The following BFSP1 variants were observed in gnomAD, a reference collection of about 807,000 sequenced individuals.
BFSP1 encodes the protein filensin.
Under a neutral mutation model 43.9 loss-of-function variants are expected in BFSP1, and 38 were observed. That is an observed-to-expected ratio of 0.87 (90% CI 0.67 to 1.14). The LOEUF is 1.14. Ranked by LOEUF, BFSP1 falls within the 50% of genes most tolerant of loss-of-function variation. The probability of loss-of-function intolerance (pLI) is 0.00; values close to 1 mark genes in which losing one functional copy is unlikely to be tolerated. For synonymous variants in BFSP1, 352 were observed against 354.8 expected (o/e 0.99, Z 0.09); for missense variants, 850 against 875.1 (o/e 0.97, Z 0.36).
intron 2 of BFSP1, chr20:17,517,196 A>C: frequency 1.2e-6 from 1 of 845,200 alleles, no homozygotes; most frequent in Non-Finnish European, 2.0e-6. Flanking sequence ...ACCTTCATCG[A>C]GAGTGCCCTT....
chr20:17,524,645 C>T (rs753074993), intron 2 of BFSP1, among the ~76,000 whole-genome samples: 4 of 152,116 alleles, frequency 2.6e-5, no homozygotes, highest in Non-Finnish European at 5.9e-5. Context: ...GTGTTTCTCT[C>T]GTGAGAGAGG....
intron 1 of BFSP1, among the ~76,000 whole-genome samples, chr20:17,565,030 C>T (rs368406039): frequency 1.1e-4 from 17 of 151,512 alleles, no homozygotes; most frequent in African/African-American, 4.1e-4. Flanking sequence ...CTCCTGTATA[C>T]CCATGTAACT....
chr20:17,512,032 G>C lies in BFSP1; in HGVS notation c.571C>G (p.Gln191Glu), dbSNP rs756307868. 1 of 1,611,808 alleles carries C rather than the reference G, an allele frequency of 6.2e-7. No homozygotes were observed. Among genetic ancestry groups the C allele is most frequent in the Non-Finnish European group, 8.5e-7 (1 of 1,177,936 alleles). The change falls in exon 4 of 8, where the codon CAG (glutamine) becomes GAG (glutamate). Residue 191 changes from glutamine (Q) to glutamate (E), a missense_variant. Coordinates refer to ENST00000377873, the MANE Select transcript of BFSP1 (RefSeq NM_001195.5). ...GGAGGAGTGGTGTGGATGATCTGCT[G>C]CAGGATGCTGATATAGGTCTGAACT... is the stretch of plus-strand genomic sequence containing the variant. ...LEVQTYISIL[Q>E]QIIHTTPPAS...
chr20:17,537,568 CAAAAAAAAAAA>C (rs901895418), intron 1 of BFSP1, among the ~76,000 whole-genome samples: 2 of 63,826 alleles, frequency 3.1e-5, no homozygotes, highest in East Asian at 4.0e-4. Flanking sequence ...ACTGAAGCAC[CAAAAAAAAAAA>C]AAAAAAAAAA....
At chr20:17,517,004 T>C (rs1600653767) in intron 2 of BFSP1, 1 of 769,724 alleles carries the variant, frequency 1.3e-6, no homozygotes, top group East Asian at 2.4e-5. Context: ...AGGATGGATG[T>C]GCTTTGTCTG....
chr20:17,509,402 G>A (rs777685701), intron 4 of BFSP1, among the ~76,000 whole-genome samples: 9 of 152,098 alleles, frequency 5.9e-5, no homozygotes, highest in Non-Finnish European at 1.3e-4. Context: ...TCTGCCTGTC[G>A]GCCCTCCCAT....
chr20:17,497,368 GT>G (rs2033659184), intron 6 of BFSP1, among the ~76,000 whole-genome samples: 1 of 150,804 alleles, frequency 6.6e-6, no homozygotes, highest in Non-Finnish European at 1.5e-5. Context: ...TTTAGTTAGA[GT>G]AGTCAACCCA....
chr20:17,514,338 T>A (rs1036248106), intron 3 of BFSP1, among the ~76,000 whole-genome samples: 1 of 152,212 alleles, frequency 6.6e-6, no homozygotes, highest in Admixed American at 6.5e-5. Context: ...AGCTCCTGAA[T>A]AATGTGCTCC....
At chr20:17,568,501 C>T (rs2035149386) in intron 1 of BFSP1, among the ~76,000 whole-genome samples, 1 of 152,086 alleles carries the variant, frequency 6.6e-6, no homozygotes, top group Admixed American at 6.5e-5. Context: ...CTCGGACTGG[C>T]ATCTTCAGCA....
chr20:17,547,938 G>C (rs1305111708), intron 1 of BFSP1, among the ~76,000 whole-genome samples: 4 of 137,004 alleles, frequency 2.9e-5, no homozygotes, highest in Non-Finnish European at 6.2e-5. Context: ...AGTAGAGACA[G>C]GGGTTTCACC....
intron 2 of BFSP1, among the ~76,000 whole-genome samples, chr20:17,521,025 A>G (rs1015020437): frequency 7.3e-5 from 11 of 150,634 alleles, no homozygotes; most frequent in African/African-American, 2.7e-4. Context: ...AGAAAAGGAG[A>G]GGGAGATTTT....
intron 2 of BFSP1, among the ~76,000 whole-genome samples, chr20:17,522,730 G>A (rs537566325): frequency 6.6e-6 from 1 of 152,310 alleles, no homozygotes; most frequent in South Asian, 2.1e-4. Flanking sequence ...GCACCACCAG[G>A]TGATGGGCAA....
chr20:17,519,243 A>T (rs2034268114), intron 2 of BFSP1, among the ~76,000 whole-genome samples: 1 of 152,202 alleles, frequency 6.6e-6, no homozygotes, highest in African/African-American at 2.4e-5. Context: ...TAGAAATAGA[A>T]GGAACCCTGG....
At chr20:17,516,933 C>G in intron 2 of BFSP1, 2 of 726,922 alleles carry the variant, frequency 2.8e-6, no homozygotes, top group Non-Finnish European at 5.0e-6. Flanking sequence ...GGCCAAGACC[C>G]AGGATAAGGA....
At chr20:17,565,681 C>T (rs1272929094) in intron 1 of BFSP1, 1 of 152,224 alleles carries the variant, frequency 6.6e-6, no homozygotes, top group Non-Finnish European at 1.5e-5. Context: ...AGCAAACTGA[C>T]ATCAGTGGTT....
intron 1 of BFSP1, among the ~76,000 whole-genome samples, chr20:17,539,765 C>CA (rs1036640478): frequency 1.6e-4 from 23 of 148,048 alleles, no homozygotes; most frequent in African/African-American, 2.2e-4. Context: ...AACTCTATCT[C>CA]AAAAAAAAAG....
chr20:17,551,439 A>G (rs1267072771), intron 1 of BFSP1, among the ~76,000 whole-genome samples: 1 of 152,156 alleles, frequency 6.6e-6, no homozygotes. Context: ...CCACGATCCA[A>G]TCACCTCCCA....
At chr20:17,510,489 G>A (rs1476803854) in intron 4 of BFSP1, among the ~76,000 whole-genome samples, 3 of 152,178 alleles carry the variant, frequency 2.0e-5, no homozygotes, top group African/African-American at 7.2e-5. Context: ...CCACTAAGGA[G>A]AACAGGATCC....
chr20:17,562,114 G>T (rs1237911847), upstream of BFSP1, among the ~76,000 whole-genome samples: 2 of 151,904 alleles, frequency 1.3e-5, no homozygotes, highest in Non-Finnish European at 1.5e-5. Flanking sequence ...TAGAGATGGG[G>T]TTTCACTATG....
Sources: allele counts gnomAD v4.1 joint callset (sites outside exome capture counted in the v4.1 genomes callset), GRCh38; gene constraint gnomAD v4.1.1; transcripts MANE v1.5; gene names NCBI Gene and HGNC (gene_info 2026-07-23, HGNC 2026-07-21).